MARS1: variants seen among roughly 807,000 people sequenced by gnomAD.
MARS1 encodes the protein methionyl-tRNA synthetase 1.
In MARS1, 80 loss-of-function variants were observed where a neutral mutation model predicts 119.5. The observed-to-expected ratio is 0.67, with a 90% CI of 0.56 to 0.81. The LOEUF (loss-of-function observed/expected upper bound fraction) is 0.81. Among genes scored for constraint, MARS1 ranks in the 30% least tolerant of loss-of-function variants. The probability of loss-of-function intolerance (pLI) is 0.00; values close to 1 mark genes in which losing one functional copy is unlikely to be tolerated. For missense variants in MARS1, 945 were observed against 1,116.5 expected (o/e 0.85, Z 2.19); for synonymous variants, 418 against 433.4 (o/e 0.96, Z 0.44).
At chr12:57,493,929 T>C (rs1214862495) in intron 7 of MARS1, among the ~76,000 whole-genome samples, 2 of 66,728 alleles carry the variant, frequency 3.0e-5, no homozygotes, top group East Asian at 9.3e-4. Flanking sequence ...ATATAATATA[T>C]ATTATATATT....
At position 57,505,174 on chromosome 12, in the gene MARS1, T is replaced by C. The variant is rs150259278; in HGVS notation, c.1368+875T>C. On this transcript the variant is annotated intron_variant, in intron 11 of 20. Transcript: ENST00000262027. Reference sequence around the variant, plus strand: ...TTGACCTCCTGATTTGTTTTTTTTTTTTTTGAGATGGAGCTTCTCTCTTGT... The same window carrying C: ...TTGACCTCCTGATTTGTTTTTTTTTCTTTTGAGATGGAGCTTCTCTCTTGT... Among the ~76,000 whole-genome samples the C allele has an allele frequency of 7.7e-4, 117 of 151,808 alleles. 1 individual carries two copies. Among genetic ancestry groups the C allele is most frequent in the African/African-American group, 2.7e-3 (111 of 41,396 alleles).
intron 15 of MARS1, among the ~76,000 whole-genome samples, chr12:57,514,518 T>G (rs941027033): frequency 6.6e-6 from 1 of 152,218 alleles, no homozygotes; most frequent in Admixed American, 6.5e-5. Flanking sequence ...AGGTTTCTTA[T>G]GTGCAGAGTC....
chr12:57,500,122 G>T, intron 9 of MARS1, 199 bp from the exon 10 acceptor site: 1 of 610,328 alleles, frequency 1.6e-6, no homozygotes, highest in Non-Finnish European at 3.0e-6. Flanking sequence ...AAGATTATGT[G>T]GGCAGTTGGG....
At chr12:57,495,969 C>T (rs192644221) in intron 7 of MARS1, among the ~76,000 whole-genome samples, 38 of 152,240 alleles carry the variant, frequency 2.5e-4, no homozygotes, top group African/African-American at 8.2e-4. Context: ...GGCCTCGGCT[C>T]GGCATCAGAG....
In MARS1 at chr12:57,514,989, C is replaced by T. The variant is rs1320806686; in HGVS notation, c.2135C>T (p.Ser712Phe). Residue 712 changes from serine to phenylalanine, a missense_variant, in exon 17 of 21, where the codon TCT becomes TTT. Ser to Phe is a radical substitution (Grantham distance 155). Transcript: ENST00000262027. ...GCCTTGCGCAGTATCCTCACCATAT[C>T]TCGACATGGCAACCAATATATTCAG... ...RDALRSILTISRHGNQYIQVN... is the reference protein window; with the variant it reads ...RDALRSILTIFRHGNQYIQVN... 4 of 1,614,196 alleles carry T rather than the reference C, an allele frequency of 2.5e-6. No homozygotes were observed. The highest frequency in any genetic ancestry group is 4.5e-5 in the East Asian group (2 of 44,890).
chr12:57,511,236 C>T (rs1713881482), intron 11 of MARS1, among the ~76,000 whole-genome samples: 1 of 152,090 alleles, frequency 6.6e-6, no homozygotes, highest in Admixed American at 6.5e-5. Context: ...CTGCGTCAGC[C>T]TTCGGAGTAG....
Position 57,516,515 on chromosome 12 carries a change from A to G in MARS1, c.2637A>G (p.Leu879=), listed in dbSNP as rs1594838666. Residue 879 remains leucine (L), a synonymous_variant, in exon 21 of 21, where the codon CTA becomes CTG. Transcript: ENST00000262027. ...VAAEVAKLLD[L]KKQLAVAEGK... ...CGGAGGTGGCGAAACTCTTGGATCT[A>G]AAGAAACAGTTGGCTGTAGCTGAGG... The G allele has an allele frequency of 1.2e-6, 2 of 1,613,212 alleles. No homozygotes were observed. The highest frequency in any genetic ancestry group is 1.7e-6 in the Non-Finnish European group (2 of 1,179,742).
chr12:57,490,267 G>A lies in MARS1; in HGVS notation c.551G>A (p.Arg184Gln), dbSNP rs756403256. ...QTLSTQEPCQ[R>Q]AAETVLKQQG... Reference sequence around the variant, plus strand: ...CTGAGTACCCAGGAACCATGTCAGCGAGCTGCAGAGACTGTACTGAAACAG... The same window carrying A: ...CTGAGTACCCAGGAACCATGTCAGCAAGCTGCAGAGACTGTACTGAAACAG... The change falls in exon 6 of 21, where the codon CGA becomes CAA. Residue 184 changes from arginine (R) to glutamine (Q), a missense_variant. Arg to Gln is a conservative substitution (Grantham distance 43). Coordinates refer to ENST00000262027, the MANE Select transcript of MARS1 (RefSeq NM_004990.4). 3.1e-6 allele frequency: 5 copies of A among 1,613,552 alleles called. No individual in the cohort carries two copies. The highest frequency in any genetic ancestry group is 4.5e-5 in the East Asian group (2 of 44,894).
intron 9 of MARS1, among the ~76,000 whole-genome samples, chr12:57,499,437 TAC>T (rs1876810096): frequency 9.1e-6 from 1 of 109,776 alleles, no homozygotes. Context: ...CTACTAAAAA[TAC>T]AAAAAAAAAA....
rs758523839 is a variant in MARS1 at position 57,498,452 on chromosome 12, A to G, written c.920A>G (p.Tyr307Cys). 5.0e-6 allele frequency: 8 copies of G among 1,614,002 alleles called. No homozygotes were observed. Among genetic ancestry groups the G allele is most frequent in the East Asian group, 2.2e-5 (1 of 44,898 alleles). The change falls in exon 9 of 21, where the codon TAT becomes TGT. Residue 307 changes from tyrosine to cysteine, a missense_variant. Tyr to Cys is a radical substitution (Grantham distance 194). Coordinates refer to ENST00000262027, the MANE Select transcript of MARS1 (RefSeq NM_004990.4). ...YSRLRQWNTL[Y>C]LCGTDEYGTA... ...CGCCTCCGCCAGTGGAACACCCTCT[A>G]TCTGTGTGGGACAGATGAGTATGGT...
intron 1 of MARS1, chr12:57,488,791 C>T (rs1875678735): frequency 3.4e-6 from 3 of 884,204 alleles, no homozygotes; most frequent in Non-Finnish European, 5.3e-6. Flanking sequence ...ACCTCCTCTG[C>T]AGTCCCCATC....
chr12:57,504,350 C>T (rs1877079087), intron 11 of MARS1, 51 bp downstream of exon 11: 2 of 1,439,150 alleles, frequency 1.4e-6, no homozygotes, highest in Non-Finnish European at 2.0e-6. Flanking sequence ...CTTCTGTCCC[C>T]TCTGCCTTAG....
chr12:57,490,567 G>A lies in MARS1; in HGVS notation c.693G>A (p.Glu231=). ...AGGAGCTGGCTACCCTATCTGAGGA[G>A]GAGATTGCTATGGCTGTTACTGCTT... ...EEEELATLSE[E]EIAMAVTAWE... is the part of the protein sequence containing the mutation. Residue 231 remains glutamate (E), a synonymous_variant, in exon 7 of 21, where the codon GAG becomes GAA. Coordinates refer to ENST00000262027, the MANE Select transcript of MARS1 (RefSeq NM_004990.4). 2 of 1,614,166 alleles carry A rather than the reference G, an allele frequency of 1.2e-6. No individual in the cohort carries two copies. The highest frequency in any genetic ancestry group is 1.7e-6 in the Non-Finnish European group (2 of 1,180,018).
rs773474721 is a variant in MARS1 at position 57,488,186 on chromosome 12, TG to T, written c.97del (p.Val33Ter). On this transcript the variant is annotated frameshift_variant, in exon 1 of 21. Coordinates refer to ENST00000262027, the MANE Select transcript of MARS1 (RefSeq NM_004990.4). LOFTEE classifies it high-confidence loss of function. ...GCAGAGCAGAGGTGCTCATCAGCAC[TG>T]TAGGCCCGGAAGGTACTCGTGCTGG... ...RGRAEVLIST[V>X]GPEDCVVPFL... 1.2e-6 allele frequency: 2 copies of T among 1,613,026 alleles called. No individual in the cohort carries two copies. The highest frequency in any genetic ancestry group is 3.3e-5 in the Admixed American group (2 of 59,940).
Position 57,516,473 on chromosome 12 carries a change from C to G in MARS1, c.2595C>G (p.Asp865Glu). Residue 865 changes from aspartate to glutamate, a missense_variant, in exon 21 of 21, where the codon GAC becomes GAG. Coordinates refer to ENST00000262027, the MANE Select transcript of MARS1 (RefSeq NM_004990.4). The stretch of plus-strand genomic sequence containing the variant: ...GAGAACTGAAAGCACAAAAGGCAGA[C>G]AAGAACGAGGTTGCTGCGGAGGTGG... ...IVRELKAQKA[D>E]KNEVAAEVAK... is the part of the protein sequence containing the mutation. 2 of 1,613,720 alleles carry G rather than the reference C, an allele frequency of 1.2e-6. No homozygotes were observed. The highest frequency in any genetic ancestry group is 1.7e-6 in the Non-Finnish European group (2 of 1,179,910).
chr12:57,503,820 G>A (rs772694536), intron 10 of MARS1, among the ~76,000 whole-genome samples: 1 of 152,116 alleles, frequency 6.6e-6, no homozygotes, highest in Non-Finnish European at 1.5e-5. Flanking sequence ...AATTACAGGC[G>A]TGAGCCACCG....
intron 7 of MARS1, among the ~76,000 whole-genome samples, chr12:57,494,061 T>G (rs1333282502): frequency 6.9e-6 from 1 of 145,022 alleles, no homozygotes; most frequent in Non-Finnish European, 1.5e-5. Flanking sequence ...GTTCAAGTGA[T>G]TCTCCTGTCT....
rs139600659 is a variant in MARS1, at chr12:57,512,810, G to A, written c.1813G>A (p.Asp605Asn). Residue 605 changes from aspartate to asparagine, a missense_variant, in exon 15 of 21, where the codon GAC becomes AAC. Transcript: ENST00000262027. ...SKSRGVGVFG[D>N]MAQDTGIPAD... is the part of the protein sequence containing the mutation. Reference sequence around the variant, plus strand: ...GAGCCGCGGTGTGGGAGTGTTTGGGGACATGGCCCAGGACACGGGGATCCC... The same window carrying A: ...GAGCCGCGGTGTGGGAGTGTTTGGGAACATGGCCCAGGACACGGGGATCCC... 53 of 1,614,192 alleles carry A rather than the reference G, an allele frequency of 3.3e-5. No homozygotes were observed. Among genetic ancestry groups the A allele is most frequent in the Admixed American group, 2.5e-4 (15 of 59,988 alleles).
rs200471304 is a variant in MARS1 at position 57,488,156 on chromosome 12, C to T, written c.66C>T (p.Ala22=). 37 of 1,614,030 alleles carry T rather than the reference C, an allele frequency of 2.3e-5. No individual in the cohort carries two copies. Among genetic ancestry groups the T allele is most frequent in the Admixed American group, 5.0e-5 (3 of 60,006 alleles). Residue 22 remains alanine (A), a synonymous_variant, in exon 1 of 21, where the codon GCC becomes GCT. Coordinates refer to ENST00000262027, the MANE Select transcript of MARS1 (RefSeq NM_004990.4). ...CGGTGCTGGCCGCCGCCGGGAGAGC[C>T]CGGGGCAGAGCAGAGGTGCTCATCA... ...CLPVLAAAGR[A]RGRAEVLIST... is the part of the protein sequence containing the mutation.
Sources: allele counts gnomAD v4.1 joint callset (sites outside exome capture counted in the v4.1 genomes callset), GRCh38; gene constraint gnomAD v4.1.1; transcripts MANE v1.5; gene names NCBI Gene and HGNC (gene_info 2026-07-23, HGNC 2026-07-21).